The following EYS variants were observed in gnomAD, a reference collection of about 807,000 sequenced individuals.
EYS encodes the protein EGF-like photoreceptor maintenance factor.
EYS carries 250 observed loss-of-function variants against 282.1 expected under a neutral mutation model. The ratio of observed to expected loss-of-function variants is 0.89; its 90% CI spans 0.80 to 0.98. The LOEUF (loss-of-function observed/expected upper bound fraction) is 0.98, where lower values mean the gene tolerates loss of function less well. EYS is among the 50% of genes least tolerant of loss of function. The pLI, the probability that EYS is intolerant of heterozygous loss-of-function variation, is 0.00. For synonymous variants in EYS, 1,355 were observed against 1,282.9 expected, an observed-to-expected ratio of 1.06 and a Z score of -1.20; for missense variants, 4,016 against 3,709.0, an observed-to-expected ratio of 1.08 and a Z score of -2.15.
intron 26 of EYS, among the ~76,000 whole-genome samples, chr6:64,509,238 T>C (rs1252086230): frequency 6.6e-6 from 1 of 152,200 alleles, no homozygotes; most frequent in Non-Finnish European, 1.5e-5. Context: ...TTTTCCAGGC[T>C]GTGTAAAGTT....
At chr6:65,595,148 G>A (rs1481066894) in intron 2 of EYS, among the ~76,000 whole-genome samples, 2 of 152,004 alleles carry the variant, frequency 1.3e-5, no homozygotes, top group Non-Finnish European at 2.9e-5. Flanking sequence ...ATAAAAAAAC[G>A]ATGAGTTCAT....
intron 14 of EYS, among the ~76,000 whole-genome samples, chr6:64,959,965 G>A (rs1769858597): frequency 6.8e-6 from 1 of 147,012 alleles, no homozygotes; most frequent in African/African-American, 2.5e-5. Context: ...GGGCAAATGT[G>A]TGTTTAAAAA....
chr6:65,160,695 T>C (rs539708388), intron 12 of EYS, among the ~76,000 whole-genome samples: 3 of 151,100 alleles, frequency 2.0e-5, no homozygotes, highest in East Asian at 3.9e-4. Flanking sequence ...GGCATTTGAA[T>C]AAATTTTTTA....
intron 28 of EYS, among the ~76,000 whole-genome samples, chr6:64,407,435 C>G (rs746130488): frequency 2.6e-5 from 4 of 151,928 alleles, no homozygotes; most frequent in Non-Finnish European, 5.9e-5. Flanking sequence ...TACCCCAGAA[C>G]TTAAAGTATA....
intron 1 of EYS, among the ~76,000 whole-genome samples, chr6:65,692,089 C>G (rs573820438): frequency 2.0e-5 from 3 of 150,196 alleles, no homozygotes; most frequent in Non-Finnish European, 4.4e-5. Context: ...TGCAATACTA[C>G]TCAGGAATAA....
At chr6:64,523,700 G>A (rs1035943991) in intron 26 of EYS, among the ~76,000 whole-genome samples, 3 of 151,636 alleles carry the variant, frequency 2.0e-5, no homozygotes, top group Admixed American at 6.6e-5. Flanking sequence ...AAAGGACTCA[G>A]GAAAATGAAG....
At chr6:65,468,460 A>T (rs527314513) in intron 5 of EYS, among the ~76,000 whole-genome samples, 1 of 152,108 alleles carries the variant, frequency 6.6e-6, no homozygotes, top group South Asian at 2.1e-4. Context: ...ATGGACTTAC[A>T]ACATAACAGC....
intron 12 of EYS, among the ~76,000 whole-genome samples, chr6:65,139,194 A>G (rs530048160): frequency 8.5e-5 from 13 of 152,268 alleles, no homozygotes; most frequent in East Asian, 7.7e-4. Flanking sequence ...ATGCCCATCA[A>G]TGGTAGACTA....
At chr6:65,560,911 G>A (rs1769028878) in intron 2 of EYS, among the ~76,000 whole-genome samples, 1 of 151,856 alleles carries the variant, frequency 6.6e-6, no homozygotes, top group Non-Finnish European at 1.5e-5. Flanking sequence ...ACAACCAATG[G>A]TCTAGCCATA....
At chr6:65,115,506 GA>G (rs1197203930) in intron 12 of EYS, among the ~76,000 whole-genome samples, 2 of 151,568 alleles carry the variant, frequency 1.3e-5, no homozygotes, top group African/African-American at 2.4e-5. Flanking sequence ...CACATGCTTT[GA>G]AAAAAATGCC....
chr6:64,640,421 A>G (rs1486540419), intron 22 of EYS, among the ~76,000 whole-genome samples: 2 of 152,210 alleles, frequency 1.3e-5, no homozygotes, highest in East Asian at 1.9e-4. Flanking sequence ...TCCTTTGTAG[A>G]GACATGGATG....
intron 35 of EYS, among the ~76,000 whole-genome samples, chr6:63,983,154 C>A (rs1330469051): frequency 1.3e-5 from 2 of 151,640 alleles, no homozygotes; most frequent in African/African-American, 4.8e-5. Context: ...TCATTTAGTT[C>A]TTTAAATCTG....
At chr6:63,969,591 T>C (rs1481848874) in intron 35 of EYS, among the ~76,000 whole-genome samples, 1 of 152,188 alleles carries the variant, frequency 6.6e-6, no homozygotes. Flanking sequence ...GTACATATCA[T>C]TAGGATAAAA....
Position 65,405,329 on chromosome 6 carries a change from G to A in EYS, c.901C>T (p.Leu301=). 1 of 1,610,212 alleles carries A rather than the reference G, an allele frequency of 6.2e-7. No individual in the cohort carries two copies. Among genetic ancestry groups the A allele is most frequent in the African/African-American group, 1.3e-5 (1 of 74,256 alleles). ...CAAATTCCTCTTTTCCAAAAAAGCA[G>A]AGAAACACAAGGTTTTGCTGACACC... is the stretch of plus-strand genomic sequence containing the variant. ...CEVSAKPCVS[L]LFWKRGICPN... is the part of the protein sequence containing the mutation. The change falls in exon 6 of 43, where the codon CTG becomes TTG. Residue 301 remains leucine, a synonymous_variant. Transcript: ENST00000503581.
intron 12 of EYS, among the ~76,000 whole-genome samples, chr6:65,278,834 A>G (rs965892861): frequency 1.3e-5 from 2 of 152,128 alleles, no homozygotes; most frequent in Non-Finnish European, 2.9e-5. Context: ...TGAGTCTCAG[A>G]TGTCATGATT....
intron 2 of EYS, among the ~76,000 whole-genome samples, chr6:65,580,000 G>T (rs1218576216): frequency 6.6e-6 from 1 of 152,072 alleles, no homozygotes. Context: ...ACATGGTCAT[G>T]TAAATATTAA....
At chr6:65,346,444 A>AT (rs1272212524) in intron 9 of EYS, among the ~76,000 whole-genome samples, 2 of 151,494 alleles carry the variant, frequency 1.3e-5, no homozygotes, top group African/African-American at 4.8e-5. Context: ...AGTGTGTATA[A>AT]TTTAAAGGAT....
chr6:64,519,699 G>A (rs1177359415), intron 26 of EYS, among the ~76,000 whole-genome samples: 1 of 151,914 alleles, frequency 6.6e-6, no homozygotes, highest in Non-Finnish European at 1.5e-5. Flanking sequence ...TAACATCAGA[G>A]AGACCACAGG....
intron 31 of EYS, among the ~76,000 whole-genome samples, chr6:64,105,125 G>T (rs1270099534): frequency 6.6e-6 from 1 of 151,942 alleles, no homozygotes; most frequent in Admixed American, 6.6e-5. Flanking sequence ...AATTCAAAGT[G>T]TGAGGAAGCA....
Sources: gnomAD v4.1 joint callset for allele counts (sites outside exome capture counted in the v4.1 genomes callset) on GRCh38, gnomAD v4.1.1 for gene constraint, MANE v1.5 for transcripts, NCBI Gene and HGNC (gene_info 2026-07-23, HGNC 2026-07-21) for gene names.